AKAP1: variants seen among roughly 807,000 people sequenced by gnomAD.
AKAP1 encodes the protein A-kinase anchoring protein 1.
In AKAP1, 32 loss-of-function variants were observed where a neutral mutation model predicts 79.8. That is an observed-to-expected ratio of 0.40 (90% CI 0.30 to 0.54). AKAP1 has a LOEUF of 0.54. Ranked by LOEUF, AKAP1 falls within the 20% of genes least tolerant of loss-of-function variation. AKAP1 has a pLI of 0.47. For missense variants in AKAP1, 961 were observed against 1,138.9 expected, an observed-to-expected ratio of 0.84 and a Z score of 2.25; for synonymous variants, 416 against 466.7, an observed-to-expected ratio of 0.89 and a Z score of 1.40.
chr17:57,113,647 G>A (rs2144761449), intron 5 of AKAP1, among the ~76,000 whole-genome samples: 1 of 124,546 alleles, frequency 8.0e-6, no homozygotes, highest in African/African-American at 3.2e-5. Context: ...CTGTTGCCCA[G>A]TCTGGAGTGT....
At chr17:57,101,952 C>T (rs150634220) in intron 1 of AKAP1, among the ~76,000 whole-genome samples, 2 of 152,040 alleles carry the variant, frequency 1.3e-5, no homozygotes, top group African/African-American at 2.4e-5. Flanking sequence ...TTTTCCATGT[C>T]GGCACATGAG....
intron 1 of AKAP1, among the ~76,000 whole-genome samples, chr17:57,091,857 TAA>T (rs954471808): frequency 6.6e-6 from 1 of 151,908 alleles, no homozygotes; most frequent in Non-Finnish European, 1.5e-5. Flanking sequence ...CCTGGCTAGT[TAA>T]AAAAATTTTT....
Position 57,106,190 on chromosome 17 carries a change from A to C in AKAP1, c.726A>C (p.Glu242Asp). Residue 242 changes from glutamate to aspartate, a missense_variant, in exon 2 of 11, where the codon GAA becomes GAC. Transcript: ENST00000337714. ...KGPSLASLEG[E>D]EDKGKSSSSQ... ...CCAGCCTGGCCTCTTTAGAGGGGGAAGAAGATAAGGGGAAGAGCAGCTCAT... is the reference window on the plus strand; with the variant it reads ...CCAGCCTGGCCTCTTTAGAGGGGGACGAAGATAAGGGGAAGAGCAGCTCAT... 1 of 1,614,106 alleles carries C rather than the reference A, an allele frequency of 6.2e-7. No individual in the cohort carries two copies. Among genetic ancestry groups the C allele is most frequent in the Non-Finnish European group, 8.5e-7 (1 of 1,180,010 alleles).
intron 3 of AKAP1, 98 bp downstream of exon 3, chr17:57,110,256 A>G (rs1915158995): frequency 1.2e-5 from 18 of 1,500,632 alleles, no homozygotes; most frequent in African/African-American, 1.4e-5. Context: ...TGGGAGAGGG[A>G]CAGTAAACCA....
At chr17:57,118,748 G>A (rs148641805) in intron 9 of AKAP1, among the ~76,000 whole-genome samples, 23 of 152,212 alleles carry the variant, frequency 1.5e-4, no homozygotes, top group African/African-American at 5.5e-4. Flanking sequence ...CTTACATGAT[G>A]GGCAGGCAAG....
chr17:57,106,058 G>A lies in AKAP1; in HGVS notation c.594G>A (p.Glu198=), dbSNP rs770742521. The A allele has an allele frequency of 5.0e-6, 8 of 1,610,712 alleles. No homozygotes were observed. The highest frequency in any genetic ancestry group is 1.7e-4 in the Middle Eastern group (1 of 6,054). Residue 198 remains glutamate, a synonymous_variant, in exon 2 of 11, where the codon GAG becomes GAA. Coordinates refer to ENST00000337714, the MANE Select transcript of AKAP1 (RefSeq NM_003488.4). ...GTAGCTCTGGGGAGAGGGCAAGAGA[G>A]ACAGGTGGGGCCGAAGGGACTGGTG... is the stretch of plus-strand genomic sequence containing the variant. ...EKRSSGERAR[E]TGGAEGTGDA...
rs2144602025 is a variant in AKAP1 at position 57,086,048 on chromosome 17, CCGTT to C, written c.-25+653_-25+656del. ...TCCAACCGTGTTTCGGGCTGAGGGA[CCGTT>C]CGAACCGAATTGGGGTCTGGAGGTC... On this transcript the variant is annotated intron_variant, in intron 1 of 10. Coordinates refer to ENST00000337714, the MANE Select transcript of AKAP1 (RefSeq NM_003488.4). The surrounding 1 kb of genome is among the most constrained non-coding windows in gnomAD (Gnocchi z 5.1). 1 of 195,414 alleles carries C rather than the reference CCGTT, an allele frequency of 5.1e-6. No homozygotes were observed. Among genetic ancestry groups the C allele is most frequent in the East Asian group, 1.8e-4 (1 of 5,530 alleles). 12.1% of individuals were successfully genotyped at this position (195,414 alleles called of 1,614,324 possible).
chr17:57,115,104 A>G (rs977927437), intron 6 of AKAP1, among the ~76,000 whole-genome samples: 2 of 152,116 alleles, frequency 1.3e-5, no homozygotes, highest in African/African-American at 4.8e-5. Context: ...TCTCCATTTA[A>G]CAGATGAGAA....
At chr17:57,114,661 G>A in intron 6 of AKAP1, 25 bp downstream of exon 6, 1 of 1,600,832 alleles carries the variant, frequency 6.2e-7, no homozygotes, top group South Asian at 1.1e-5. Context: ...GAGGGGTCGG[G>A]AAGGGGGACC....
chr17:57,113,119 C>A (rs1243427057), intron 5 of AKAP1, among the ~76,000 whole-genome samples: 1 of 152,174 alleles, frequency 6.6e-6, no homozygotes, highest in African/African-American at 2.4e-5. Context: ...TGAATACTCC[C>A]CACCAGGCCC....
In AKAP1 at chr17:57,107,151, A is replaced by G. The variant is rs1320960463; in HGVS notation, c.1687A>G (p.Met563Val). 1.2e-6 allele frequency: 2 copies of G among 1,611,106 alleles called. No homozygotes were observed. The highest frequency in any genetic ancestry group is 1.7e-6 in the Non-Finnish European group (2 of 1,177,848). The change falls in exon 2 of 11, where the codon ATG (methionine) becomes GTG (valine). Residue 563 changes from methionine (M) to valine (V), a missense_variant. By Grantham distance (21) the Met-to-Val change is conservative (BLOSUM62 1). This residue lies in a region of AKAP1 where 629 missense variants were observed against 781.1 expected (regional missense o/e 0.81). Coordinates refer to ENST00000337714, the MANE Select transcript of AKAP1 (RefSeq NM_003488.4). ...CTTGGGGGCTGAGGATGGATGGACCATGGATGCGGAAGCAGATCATTCAGG... is the reference window on the plus strand; with the variant it reads ...CTTGGGGGCTGAGGATGGATGGACCGTGGATGCGGAAGCAGATCATTCAGG... ...SDLGAEDGWTMDAEADHSGGS... is the reference protein window; with the variant it reads ...SDLGAEDGWTVDAEADHSGGS...
Position 57,110,100 on chromosome 17 carries a change from A to G in AKAP1, c.1790A>G (p.Gln597Arg). The part of the protein sequence containing the change: ...LKKTESFQNA[Q>R]AGSNPKKVDL... ...AAGACTGAGAGCTTCCAAAATGCCC[A>G]GGCAGGCTCCAACCCTAAGAAGGTC... Residue 597 changes from glutamine to arginine, a missense_variant, in exon 3 of 11, where the codon CAG (glutamine) becomes CGG (arginine). Transcript: ENST00000337714. The G allele has an allele frequency of 3.1e-6, 5 of 1,614,182 alleles. No homozygotes were observed. The highest frequency in any genetic ancestry group is 2.2e-5 in the East Asian group (1 of 44,888).
rs904124342 is a variant in AKAP1 at position 57,106,867 on chromosome 17, C to T, written c.1403C>T (p.Thr468Ile). 1.2e-5 allele frequency: 19 copies of T among 1,613,966 alleles called. No homozygotes were observed. The highest frequency in any genetic ancestry group is 1.6e-5 in the Non-Finnish European group (19 of 1,179,880). The change falls in exon 2 of 11, where the codon ACC becomes ATC. Residue 468 changes from threonine (T) to isoleucine (I), a missense_variant. Coordinates refer to ENST00000337714, the MANE Select transcript of AKAP1 (RefSeq NM_003488.4). ...TCCCTGGCCTCCTGCCTGGCACTGA[C>T]CACCCCCAGTGAAGAGTTGCCGGAC... ...HISLASCLAL[T>I]TPSEELPDRA...
In AKAP1 at chr17:57,086,718, G is replaced by T. The variant is rs1467939389; in HGVS notation, c.-25+1320G>T. 1.3e-5 allele frequency among the ~76,000 whole-genome samples: 2 copies of T among 152,060 alleles called. No homozygotes were observed. Among genetic ancestry groups the T allele is most frequent in the African/African-American group, 2.4e-5 (1 of 41,398 alleles). On this transcript the variant is annotated intron_variant, in intron 1 of 10. Transcript: ENST00000337714. The surrounding 1 kb of genome is among the most constrained non-coding windows in gnomAD (Gnocchi z 5.1). Reference sequence around the variant, plus strand: ...TGTTAGTTACTGATCAAGGAACACCGTTCACAAAAAGCTATTAATTCTGGC... The same window carrying T: ...TGTTAGTTACTGATCAAGGAACACCTTTCACAAAAAGCTATTAATTCTGGC...
intron 1 of AKAP1, among the ~76,000 whole-genome samples, chr17:57,097,057 G>A (rs965812974): frequency 6.6e-6 from 1 of 151,936 alleles, no homozygotes; most frequent in African/African-American, 2.4e-5. Context: ...CTGCGACTAT[G>A]GCTCCTGTGG....
At chr17:57,119,066 C>T (rs748520114) in intron 10 of AKAP1, 22 bp downstream of exon 10, 2 of 1,611,852 alleles carry the variant, frequency 1.2e-6, no homozygotes, top group Admixed American at 3.3e-5. Flanking sequence ...CCTTCTTTTC[C>T]TTCTGTGTTG....
At position 57,106,779 on chromosome 17, in the gene AKAP1, C is replaced by T; in HGVS notation, c.1315C>T (p.Leu439=). The T allele has an allele frequency of 6.2e-7, 1 of 1,614,116 alleles. No homozygotes were observed. Among genetic ancestry groups the T allele is most frequent in the Non-Finnish European group, 8.5e-7 (1 of 1,180,046 alleles). ...ACCACCAAAGACCTACGTGAGCTGC[C>T]TGAAGAGCCTTCTGTCCAGCCCCAC... ...SPPPKTYVSC[L]KSLLSSPTKD... Residue 439 remains leucine, a synonymous_variant, in exon 2 of 11, where the codon CTG becomes TTG. Coordinates refer to ENST00000337714, the MANE Select transcript of AKAP1 (RefSeq NM_003488.4).
chr17:57,112,015 A>G, intron 4 of AKAP1, 91 bp downstream of exon 4: 1 of 1,507,112 alleles, frequency 6.6e-7, no homozygotes, highest in South Asian at 1.2e-5. Context: ...TCTTTTTGGA[A>G]TAGGAAACCC....
rs1405150434 is a variant in AKAP1, at chr17:57,112,572, C to T, written c.2057C>T (p.Pro686Leu). The T allele has an allele frequency of 1.9e-6, 3 of 1,614,130 alleles. No individual in the cohort carries two copies. In the South Asian group the frequency reaches 3.3e-5, roughly 18 times the overall value. ...CTGAACCTCACCAATATCTACGCTC[C>T]CCCATTGCCTTCACTGGCACTGCCT... ...KELNLTNIYAPPLPSLALPSL... is the reference protein window; with the variant it reads ...KELNLTNIYALPLPSLALPSL... The change falls in exon 5 of 11, where the codon CCC becomes CTC. Residue 686 changes from proline (P) to leucine (L), a missense_variant. By Grantham distance (98) the Pro-to-Leu change is moderately conservative. Around this residue, in one of 3 missense-constraint regions of AKAP1, gnomAD observed 629 missense variants for 781.1 expected, o/e 0.81. Transcript: ENST00000337714.
Sources: allele counts gnomAD v4.1 joint callset (sites outside exome capture counted in the v4.1 genomes callset), GRCh38; gene constraint gnomAD v4.1.1; regional missense constraint gnomAD v4.1.1; non-coding constraint Gnocchi (gnomAD v3.1); transcripts MANE v1.5; gene names NCBI Gene and HGNC (gene_info 2026-07-23, HGNC 2026-07-21).